Variants in XDH observed in about 807,000 individuals in gnomAD.
The protein encoded by XDH is xanthine dehydrogenase/oxidase.
XDH carries 138 observed loss-of-function variants against 156.1 expected under a neutral mutation model. That is an observed-to-expected ratio of 0.88 (90% CI 0.77 to 1.02). XDH has a LOEUF of 1.02. Among genes scored for constraint, XDH ranks in the 50% least tolerant of loss-of-function variants. XDH has a pLI of 0.00. For synonymous variants in XDH, 669 were observed against 625.7 expected (o/e 1.07, Z -1.03); for missense variants, 1,849 against 1,684.9 (o/e 1.10, Z -1.71).
At chr2:31,360,835 C>A (rs1186755076) in intron 24 of XDH, among the ~76,000 whole-genome samples, 3 of 148,552 alleles carry the variant, frequency 2.0e-5, no homozygotes. Context: ...GTATCTCCTG[C>A]AGATAAGGGG....
chr2:31,345,314 C>G (rs559317457), intron 30 of XDH, among the ~76,000 whole-genome samples: 1 of 152,208 alleles, frequency 6.6e-6, no homozygotes, highest in Non-Finnish European at 1.5e-5. Flanking sequence ...AAAAGCAACA[C>G]GCTATAGCGC....
chr2:31,397,072 T>C (rs1686929193), intron 6 of XDH, among the ~76,000 whole-genome samples: 2 of 152,232 alleles, frequency 1.3e-5, no homozygotes, highest in African/African-American at 2.4e-5. Flanking sequence ...AGAAAGGAGA[T>C]GCCAGCTCTC....
Position 31,368,646 on chromosome 2 carries a change from C to T in XDH, c.1995G>A (p.Gly665=). The T allele has an allele frequency of 6.2e-7, 1 of 1,614,164 alleles. No homozygotes were observed. The highest frequency in any genetic ancestry group is 2.2e-5 in the East Asian group (1 of 44,884). ...CAGCAACCACAGCACCAATGATATGCCCAACACAAGTAACCTAGTAGCAGA... is the reference window on the plus strand; with the variant it reads ...CAGCAACCACAGCACCAATGATATGTCCAACACAAGTAACCTAGTAGCAGA... The part of the protein sequence containing the change: ...VFAKDKVTCV[G]HIIGAVVADT... The change falls in exon 19 of 36, where the codon GGG becomes GGA. Residue 665 remains glycine (G), a synonymous_variant. Coordinates refer to ENST00000379416, the MANE Select transcript of XDH (RefSeq NM_000379.4).
intron 13 of XDH, 22 bp from the exon 14 acceptor site, chr2:31,377,259 C>T: frequency 1.2e-6 from 2 of 1,613,602 alleles, no homozygotes; most frequent in Non-Finnish European, 1.7e-6. Flanking sequence ...CAGGAAGGTG[C>T]CTGTTTTCCA....
At chr2:31,360,998 G>A (rs183536111) in intron 24 of XDH, among the ~76,000 whole-genome samples, 3 of 152,348 alleles carry the variant, frequency 2.0e-5, no homozygotes, top group African/African-American at 4.8e-5. Context: ...ACACAAGCCT[G>A]ATTTAGTAAA....
chr2:31,396,786 T>C (rs1269878006), intron 6 of XDH, among the ~76,000 whole-genome samples: 3 of 152,242 alleles, frequency 2.0e-5, no homozygotes, highest in Admixed American at 2.0e-4. Flanking sequence ...CCACACTTGT[T>C]AATTCTTCAT....
chr2:31,372,303 C>T lies in XDH; in HGVS notation c.1781G>A (p.Cys594Tyr), dbSNP rs1362359913. 1.2e-6 allele frequency: 2 copies of T among 1,614,228 alleles called. No individual in the cohort carries two copies. The highest frequency in any genetic ancestry group is 1.7e-6 in the Non-Finnish European group (2 of 1,180,048). ...ATTCTCGTAGCGAGGAATGTCGTCACAGTACACGGCCTCACCAGAGGCCTG... is the reference window on the plus strand; with the variant it reads ...ATTCTCGTAGCGAGGAATGTCGTCATAGTACACGGCCTCACCAGAGGCCTG... ...DMQASGEAVY[C>Y]DDIPRYENEL... The change falls in exon 17 of 36, where the codon TGT (cysteine) becomes TAT (tyrosine). Residue 594 changes from cysteine to tyrosine, a missense_variant. Cys to Tyr is a radical substitution (Grantham distance 194). Coordinates refer to ENST00000379416, the MANE Select transcript of XDH (RefSeq NM_000379.4).
intron 10 of XDH, among the ~76,000 whole-genome samples, chr2:31,383,448 C>A (rs1355708235): frequency 6.6e-6 from 1 of 152,208 alleles, no homozygotes; most frequent in East Asian, 1.9e-4. Flanking sequence ...GAAGTCCTAG[C>A]ATTCTTTTTA....
chr2:31,389,678 C>G (rs1223139804), intron 6 of XDH: 1 of 152,074 alleles, frequency 6.6e-6, no homozygotes, highest in Non-Finnish European at 1.5e-5. Context: ...GATCTATTTT[C>G]TTGATAATTC....
At chr2:31,349,639 G>T (rs865991903) in intron 26 of XDH, 47 bp downstream of exon 26, 2 of 1,613,468 alleles carry the variant, frequency 1.2e-6, no homozygotes, top group Non-Finnish European at 8.5e-7. Context: ...AAGGCTGTAG[G>T]ATATGAAACC....
At chr2:31,389,023 G>A (rs1037441227) in intron 6 of XDH, among the ~76,000 whole-genome samples, 36 of 149,522 alleles carry the variant, frequency 2.4e-4, no homozygotes, top group African/African-American at 3.4e-4. Flanking sequence ...GCAGAGGGGC[G>A]CACTCAGCTG....
At position 31,343,989 on chromosome 2, in the gene XDH, A is replaced by G. The variant is rs529458748; in HGVS notation, c.3404+695T>C. Reference sequence around the variant, plus strand: ...AATATATTGAAAGAAAATATTCCAAATATCTGTGAAAGAAAAGGTCCTAGC... The same window carrying G: ...AATATATTGAAAGAAAATATTCCAAGTATCTGTGAAAGAAAAGGTCCTAGC... On this transcript the variant is annotated intron_variant, in intron 31 of 35. Transcript: ENST00000379416. 2.6e-5 allele frequency among the ~76,000 whole-genome samples: 4 copies of G among 152,284 alleles called. No homozygotes were observed. The South Asian group carries it at 8.3e-4, about 32-fold the overall frequency.
intron 1 of XDH, among the ~76,000 whole-genome samples, chr2:31,413,519 C>T (rs1173491773): frequency 2.0e-5 from 3 of 152,136 alleles, no homozygotes; most frequent in Admixed American, 6.5e-5. Flanking sequence ...TGAAACAGTT[C>T]ATGAAATTTC....
At chr2:31,373,979 G>A (rs192906442) in intron 15 of XDH, 23 bp from the exon 16 acceptor site, 7 of 1,607,332 alleles carry the variant, frequency 4.4e-6, no homozygotes, top group Non-Finnish European at 6.0e-6. Context: ...GAAAACAGAG[G>A]TGACCAGGAT....
At chr2:31,403,266 C>G in intron 2 of XDH, 122 bp from the exon 3 acceptor site, 1 of 1,059,544 alleles carries the variant, frequency 9.4e-7, no homozygotes, top group South Asian at 1.5e-5. Context: ...GGCCCCTCAA[C>G]CAAGGAAGGC....
At chr2:31,382,532 T>C (rs557968350) in intron 11 of XDH, among the ~76,000 whole-genome samples, 1 of 152,292 alleles carries the variant, frequency 6.6e-6, no homozygotes, top group Middle Eastern at 3.4e-3. Flanking sequence ...GCTGACTGAA[T>C]AATCAACAGG....
At chr2:31,374,192 C>G (rs963808787) in intron 15 of XDH, among the ~76,000 whole-genome samples, 1 of 152,158 alleles carries the variant, frequency 6.6e-6, no homozygotes, top group Non-Finnish European at 1.5e-5. Context: ...ACTGAATGGT[C>G]TGTACTTTCT....
intron 2 of XDH, among the ~76,000 whole-genome samples, chr2:31,405,200 T>G (rs1572571437): frequency 1.3e-5 from 2 of 152,318 alleles, no homozygotes. Flanking sequence ...CCTGTGGAGA[T>G]TGAGGTGAGC....
chr2:31,358,922 G>T (rs1431221885), intron 24 of XDH, among the ~76,000 whole-genome samples: 1 of 152,054 alleles, frequency 6.6e-6, no homozygotes, highest in African/African-American at 2.4e-5. Context: ...AGTATGTAAA[G>T]AAAAGGAGAT....
Sources: gnomAD v4.1 joint callset for allele counts (sites outside exome capture counted in the v4.1 genomes callset) on GRCh38, gnomAD v4.1.1 for gene constraint, MANE v1.5 for transcripts, NCBI Gene and HGNC (gene_info 2026-07-23, HGNC 2026-07-21) for gene names.